The following CACNA1S variants were observed in gnomAD, a reference collection of about 807,000 sequenced individuals.
CACNA1S encodes calcium voltage-gated channel subunit alpha1 S.
In CACNA1S, 126 loss-of-function variants were observed where a neutral mutation model predicts 207.4. The observed-to-expected ratio is 0.61, with a 90% CI of 0.53 to 0.70. The LOEUF is 0.70. Among genes scored for constraint, CACNA1S ranks in the 30% least tolerant of loss-of-function variants. CACNA1S has a pLI of 0.00. For synonymous variants in CACNA1S, 960 were observed against 932.7 expected, an observed-to-expected ratio of 1.03 and a Z score of -0.53; for missense variants, 2,349 against 2,422.8, an observed-to-expected ratio of 0.97 and a Z score of 0.64.
rs1442305463 is a variant in CACNA1S, at chr1:201,065,921, C to A, written c.2770G>T (p.Ala924Ser). The A allele has an allele frequency of 1.9e-6, 3 of 1,613,474 alleles. No individual in the cohort carries two copies. The East Asian group carries it at 6.7e-5, about 36-fold the overall frequency. The part of the protein sequence containing the change: ...LKHVVQCMFV[A>S]ISTIGNIVLV... ...ACGATGTTCCCGATGGTGCTGATGGCCACGAACATGCACTGCACCACGTGC... is the reference window on the plus strand; with the variant it reads ...ACGATGTTCCCGATGGTGCTGATGGACACGAACATGCACTGCACCACGTGC... Residue 924 changes from alanine (A) to serine (S), a missense_variant, in exon 22 of 44, where the codon GCC (alanine) becomes TCC (serine). Coordinates refer to ENST00000362061, the MANE Select transcript of CACNA1S (RefSeq NM_000069.3).
intron 14 of CACNA1S, 70 bp downstream of exon 14, chr1:201,074,436 C>T: frequency 1.1e-6 from 1 of 935,806 alleles, no homozygotes; most frequent in Non-Finnish European, 1.7e-6. Flanking sequence ...CAGGGAGGCC[C>T]TGTCCAGAGC....
chr1:201,047,773 G>A, intron 36 of CACNA1S, 147 bp from the exon 37 acceptor site: 1 of 708,806 alleles, frequency 1.4e-6, no homozygotes, highest in Non-Finnish European at 2.6e-6. Flanking sequence ...CTGGGTACTG[G>A]CAATGGTGGG....
chr1:201,044,940 C>G (rs921946918), intron 38 of CACNA1S, among the ~76,000 whole-genome samples: 3 of 152,218 alleles, frequency 2.0e-5, no homozygotes, highest in African/African-American at 4.8e-5. Context: ...AGGTCCTGCT[C>G]TGGCCTCTGG....
rs1310431614 is a variant in CACNA1S at position 201,074,575 on chromosome 1, G to T, written c.1994C>A (p.Ala665Asp). Reference protein sequence around the residue: ...VFLAIAVDNLAEAESLTSAQK... With the variant: ...VFLAIAVDNLDEAESLTSAQK... ...GGCAGAAGTCAGGCTCTCCGCCTCG[G>T]CCAGGTTGTCCACGGCAATGGCCAG... is the stretch of plus-strand genomic sequence containing the variant. The change falls in exon 14 of 44, where the codon GCC (alanine) becomes GAC (aspartate). Residue 665 changes from alanine (A) to aspartate (D), a missense_variant. Physicochemically the swap from Ala to Asp is moderately radical, Grantham distance 126. Transcript: ENST00000362061. 2 of 1,613,982 alleles carry T rather than the reference G, an allele frequency of 1.2e-6. No homozygotes were observed. The highest frequency in any genetic ancestry group is 1.7e-5 in the Admixed American group (1 of 60,020).
chr1:201,052,524 G>C (rs374401463), intron 32 of CACNA1S, 33 bp downstream of exon 32: 2 of 1,530,980 alleles, frequency 1.3e-6, no homozygotes, highest in South Asian at 1.1e-5. Context: ...ACTGGTCAGC[G>C]GGGTAGGGGT....
rs1661580732 is a variant in CACNA1S at position 201,075,544 on chromosome 1, A to G, written c.1899T>C (p.Pro633=). ...GIMAYGGPSY[P]GMLVCIYFII... is the part of the protein sequence containing the mutation. ...TGAAGTAAATGCACACAAGCATGCC[A>G]GGGTAGGACGGCCCGCCGTAGGCCA... Residue 633 remains proline (P), a synonymous_variant, in exon 13 of 44, where the codon CCT becomes CCC. Coordinates refer to ENST00000362061, the MANE Select transcript of CACNA1S (RefSeq NM_000069.3). 1 of 1,613,196 alleles carries G rather than the reference A, an allele frequency of 6.2e-7. No homozygotes were observed. Among genetic ancestry groups the G allele is most frequent in the Admixed American group, 1.7e-5 (1 of 59,874 alleles).
rs1660343899 is a variant in CACNA1S, at chr1:201,043,260, GA to G, written c.5048+20del. The G allele has an allele frequency of 1.2e-5, 19 of 1,613,878 alleles. No homozygotes were observed. In the East Asian group the frequency reaches 4.2e-4, roughly 36 times the overall value. ...TCCTCCCAGTACCTCTACACCCAGG[GA>G]TGGCAGTGGCCGCCACTACCTGGAA... is the stretch of plus-strand genomic sequence containing the variant. On this transcript the variant is annotated intron_variant, in intron 40 of 43. Transcript: ENST00000362061.
At chr1:201,042,963 C>T (rs767363377) in intron 40 of CACNA1S, 3 of 364,222 alleles carry the variant, frequency 8.2e-6, no homozygotes, top group Non-Finnish European at 1.6e-5. Context: ...GTGGTATGTG[C>T]TACCACCGAA....
rs760596943 is a variant in CACNA1S, at chr1:201,062,065, C to T, written c.2932G>A (p.Gly978Arg). 1.1e-5 allele frequency: 18 copies of T among 1,613,982 alleles called. No homozygotes were observed. The highest frequency in any genetic ancestry group is 2.2e-5 in the East Asian group (1 of 44,882). ...CGCAGCTCTATCTGCATGGGGTCCC[C>T]GTCCTTGTACACGTAGTAGTAGCCC... is the stretch of plus-strand genomic sequence containing the variant. ...CRGYYYVYKD[G>R]DPMQIELRHR... Residue 978 changes from glycine to arginine, a missense_variant, in exon 24 of 44, where the codon GGG becomes AGG. By Grantham distance (125) the Gly-to-Arg change is moderately radical. Transcript: ENST00000362061.
intron 1 of CACNA1S, 60 bp from the exon 2 acceptor site, chr1:201,110,329 A>T (rs1475866017): frequency 6.9e-7 from 1 of 1,439,528 alleles, no homozygotes; most frequent in Non-Finnish European, 9.8e-7. Context: ...GGTTAAGGGG[A>T]TGAGGGCGCT....
Position 201,053,436 on chromosome 1 carries a change from A to G in CACNA1S, c.3795+23T>C. On this transcript the variant is annotated intron_variant, in intron 30 of 43. Coordinates refer to ENST00000362061, the MANE Select transcript of CACNA1S (RefSeq NM_000069.3). This position sits in a 1 kb window ranked among gnomAD's most constrained non-coding sequence, Gnocchi z 5.1. Reference sequence around the variant, plus strand: ...CCTAGTGGCCTCCCCAGGTACGTGCAGTTTCCAGGGTCCCTGTTGCACCTG... The same window carrying G: ...CCTAGTGGCCTCCCCAGGTACGTGCGGTTTCCAGGGTCCCTGTTGCACCTG... 1 of 1,614,070 alleles carries G rather than the reference A, an allele frequency of 6.2e-7. No individual in the cohort carries two copies. The highest frequency in any genetic ancestry group is 8.5e-7 in the Non-Finnish European group (1 of 1,179,980).
Position 201,053,602 on chromosome 1 carries a change from C to A in CACNA1S, c.3667-15G>T. The A allele has an allele frequency of 1.9e-6, 3 of 1,613,050 alleles. No individual in the cohort carries two copies. Among genetic ancestry groups the A allele is most frequent in the Non-Finnish European group, 2.5e-6 (3 of 1,179,660 alleles). On this transcript the variant is annotated splice_polypyrimidine_tract_variant and intron_variant, in intron 29 of 43. Coordinates refer to ENST00000362061, the MANE Select transcript of CACNA1S (RefSeq NM_000069.3). The surrounding 1 kb of genome is among the most constrained non-coding windows in gnomAD (Gnocchi z 5.1). ...TCATCTGGGTCCTGCGGGGCAGCAGCCCCAGAGGTCAGTCTGGGGGCAGAA... is the reference window on the plus strand; with the variant it reads ...TCATCTGGGTCCTGCGGGGCAGCAGACCCAGAGGTCAGTCTGGGGGCAGAA...
At chr1:201,070,200 G>A in intron 17 of CACNA1S, 72 bp downstream of exon 17, 3 of 1,543,644 alleles carry the variant, frequency 1.9e-6, no homozygotes, top group South Asian at 1.1e-5. Context: ...GAGTCAGACA[G>A]GGTTTTTTCT....
intron 27 of CACNA1S, among the ~76,000 whole-genome samples, 171 bp from the exon 28 acceptor site, chr1:201,058,662 C>A (rs1313684180): frequency 6.6e-6 from 1 of 152,162 alleles, no homozygotes; most frequent in Non-Finnish European, 1.5e-5. Flanking sequence ...TCCCCCAACT[C>A]CAACACTCCT....
chr1:201,089,727 G>C (rs970022368), intron 5 of CACNA1S, among the ~76,000 whole-genome samples: 33 of 152,218 alleles, frequency 2.2e-4, no homozygotes, highest in Admixed American at 2.1e-3. Flanking sequence ...ATTGTCCTAA[G>C]CAGTGCAACC....
chr1:201,062,072 G>A lies in CACNA1S; in HGVS notation c.2925C>T (p.Tyr975=). The A allele has an allele frequency of 6.2e-7, 1 of 1,613,986 alleles. No individual in the cohort carries two copies. Among genetic ancestry groups the A allele is most frequent in the East Asian group, 2.2e-5 (1 of 44,878 alleles). ...EEECRGYYYV[Y]KDGDPMQIEL... is the part of the protein sequence containing the mutation. Reference sequence around the variant, plus strand: ...CTATCTGCATGGGGTCCCCGTCCTTGTACACGTAGTAGTAGCCCCTGTGGC... The same window carrying A: ...CTATCTGCATGGGGTCCCCGTCCTTATACACGTAGTAGTAGCCCCTGTGGC... Residue 975 remains tyrosine (Y), a synonymous_variant, in exon 24 of 44, where the codon TAC becomes TAT. Transcript: ENST00000362061.
chr1:201,056,241 A>T (rs990925567), intron 28 of CACNA1S, among the ~76,000 whole-genome samples: 4 of 151,992 alleles, frequency 2.6e-5, no homozygotes, highest in Non-Finnish European at 5.9e-5. Flanking sequence ...CTCCCCTAGC[A>T]CATCAGACAG....
At chr1:201,062,280 G>T (rs1000869571) in intron 23 of CACNA1S, among the ~76,000 whole-genome samples, 182 bp downstream of exon 23, 3 of 152,150 alleles carry the variant, frequency 2.0e-5, no homozygotes, top group African/African-American at 7.2e-5. Flanking sequence ...TAAAGGCTGA[G>T]CTTCCCCAGT....
chr1:201,052,167 G>GC (rs1660678272), intron 32 of CACNA1S, among the ~76,000 whole-genome samples: 1 of 152,158 alleles, frequency 6.6e-6, no homozygotes, highest in Non-Finnish European at 1.5e-5. Flanking sequence ...CTGTGGCAGC[G>GC]CCCCCCACCC....
Sources: allele counts gnomAD v4.1 joint callset (sites outside exome capture counted in the v4.1 genomes callset), GRCh38; gene constraint gnomAD v4.1.1; non-coding constraint Gnocchi (gnomAD v3.1); transcripts MANE v1.5; gene names NCBI Gene and HGNC (gene_info 2026-07-23, HGNC 2026-07-21).